The following SULF2 variants were observed in gnomAD, a reference collection of about 807,000 sequenced individuals.
SULF2 encodes sulfatase 2, also known as extracellular sulfatase Sulf-2.
In SULF2, 52 loss-of-function variants were observed where a neutral mutation model predicts 107.7. The ratio of observed to expected loss-of-function variants is 0.48; its 90% CI spans 0.39 to 0.61. The LOEUF (loss-of-function observed/expected upper bound fraction) is 0.61. Ranked by LOEUF, SULF2 falls within the 20% of genes least tolerant of loss-of-function variation. The pLI, the probability that SULF2 is intolerant of heterozygous loss-of-function variation, is 0.00. For missense variants in SULF2, 993 were observed against 1,177.3 expected (o/e 0.84, Z 2.29); for synonymous variants, 460 against 464.3 (o/e 0.99, Z 0.12).
chr20:47,721,477 TC>T (rs1174273569), intron 3 of SULF2, among the ~76,000 whole-genome samples: 2 of 152,048 alleles, frequency 1.3e-5, no homozygotes, highest in Non-Finnish European at 2.9e-5. Context: ...CAAGAGATTC[TC>T]CTACCTCAAC....
intron 1 of SULF2, among the ~76,000 whole-genome samples, chr20:47,768,345 T>G (rs2090563931): frequency 6.6e-6 from 1 of 152,266 alleles, no homozygotes; most frequent in African/African-American, 2.4e-5. Context: ...AATTCCTCTT[T>G]AACTAGTTTC....
chr20:47,750,777 C>T (rs559275887), intron 2 of SULF2, among the ~76,000 whole-genome samples: 9 of 152,346 alleles, frequency 5.9e-5, no homozygotes, highest in African/African-American at 1.4e-4. Flanking sequence ...CTCTTGTGCA[C>T]GCTGCTCTGG....
At chr20:47,716,886 T>C (rs570999552) in intron 3 of SULF2, among the ~76,000 whole-genome samples, 4 of 152,224 alleles carry the variant, frequency 2.6e-5, no homozygotes, top group Admixed American at 6.5e-5. Context: ...GGTGTGTGCC[T>C]GTATTCCCAG....
intron 2 of SULF2, among the ~76,000 whole-genome samples, chr20:47,751,229 ATCTC>A (rs1568901079): frequency 6.6e-6 from 1 of 152,224 alleles, no homozygotes; most frequent in African/African-American, 2.4e-5. Context: ...TGTCACGAGC[ATCTC>A]TCTAACTGGA....
At chr20:47,740,643 A>AAAC (rs34265411) in intron 2 of SULF2, among the ~76,000 whole-genome samples, 27,962 of 151,882 alleles carry the variant, frequency 0.18, 5,709 homozygotes, top group African/African-American at 0.51. Context: ...AATCCTCTTA[A>AAAC]AACAACAACA....
chr20:47,736,602 TC>T, intron 3 of SULF2, 100 bp downstream of exon 3: 1 of 1,485,458 alleles, frequency 6.7e-7, no homozygotes, highest in South Asian at 1.3e-5. Flanking sequence ...CTAGGGGCTA[TC>T]CAGAATCAAC....
At position 47,663,457 on chromosome 20, in the gene SULF2, C is replaced by T. The variant is rs1937789053; in HGVS notation, c.2223G>A (p.Trp741Ter). 1 of 1,608,236 alleles carries T rather than the reference C, an allele frequency of 6.2e-7. No homozygotes were observed. The highest frequency in any genetic ancestry group is 1.3e-5 in the African/African-American group (1 of 74,930). The change falls in exon 16 of 21, where the codon TGG becomes TGA. Residue 741 changes from tryptophan to a stop codon, truncating the protein, a stop_gained. Coordinates refer to ENST00000688720, the MANE Select transcript of SULF2 (RefSeq NM_001387048.1). LOFTEE classifies it high-confidence loss of function. ...CCCTGCCCTGGGCTTGCTCACGTGT[C>T]CAGAAAGGCGCCGTCTGCCAGTGCT... ...DNQHWQTAPF[W>*]TLGPFCACTS...
chr20:47,711,161 C>T (rs1174400123), intron 3 of SULF2, among the ~76,000 whole-genome samples: 1 of 152,226 alleles, frequency 6.6e-6, no homozygotes, highest in African/African-American at 2.4e-5. Context: ...GCAGACATGT[C>T]CCCGCCATGC....
In SULF2 at chr20:47,736,800, G is replaced by C. The variant is rs2089742809; in HGVS notation, c.318C>G (p.Thr106=). 1 of 1,614,096 alleles carries C rather than the reference G, an allele frequency of 6.2e-7. No individual in the cohort carries two copies. Among genetic ancestry groups the C allele is most frequent in the Non-Finnish European group, 8.5e-7 (1 of 1,180,020 alleles). ...LTGKYVHNHN[T]YTNNENCSSP... ...AGGAGCAGTTCTCATTGTTGGTGTA[G>C]GTGTTGTGGTTGTGGACGTACTTGC... is the stretch of plus-strand genomic sequence containing the variant. Residue 106 remains threonine, a synonymous_variant, in exon 3 of 21, where the codon ACC becomes ACG. Transcript: ENST00000688720.
chr20:47,772,348 C>A (rs1045888997), intron 1 of SULF2, among the ~76,000 whole-genome samples: 17 of 152,290 alleles, frequency 1.1e-4, no homozygotes, highest in Non-Finnish European at 2.2e-4. Context: ...TTGTGACAAT[C>A]AAAAATATCT....
chr20:47,763,188 C>A (rs1905205387), intron 1 of SULF2, among the ~76,000 whole-genome samples: 1 of 152,224 alleles, frequency 6.6e-6, no homozygotes, highest in South Asian at 2.1e-4. Flanking sequence ...TCTCTGGCTC[C>A]TCCTCTCCAT....
intron 1 of SULF2, among the ~76,000 whole-genome samples, chr20:47,780,449 C>A (rs920103913): frequency 6.6e-6 from 1 of 152,332 alleles, no homozygotes; most frequent in Admixed American, 6.5e-5. Context: ...AGGCGGACTC[C>A]TTCCTAAAAT....
chr20:47,658,079 G>T lies in SULF2; in HGVS notation c.*283C>A, dbSNP rs1388900340. 2.2e-6 allele frequency: 1 copy of T among 464,108 alleles called. No homozygotes were observed. The highest frequency in any genetic ancestry group is 3.8e-6 in the Non-Finnish European group (1 of 259,826). The allele number at this position is 464,108 out of a possible 1,614,324, so 28.7% of individuals were successfully genotyped here. Reference sequence around the variant, plus strand: ...CTCCGTTTTCCTTTGTGAGCTTCTGGGGGAGGGTTAGTGGTGACTTTTTGA... The same window carrying T: ...CTCCGTTTTCCTTTGTGAGCTTCTGTGGGAGGGTTAGTGGTGACTTTTTGA... On this transcript the variant is annotated 3_prime_UTR_variant, in exon 21 of 21. Coordinates refer to ENST00000688720, the MANE Select transcript of SULF2 (RefSeq NM_001387048.1).
At position 47,679,641 on chromosome 20, in the gene SULF2, G is replaced by A. The variant is rs147821743; in HGVS notation, c.1065-837C>T. On this transcript the variant is annotated intron_variant, in intron 7 of 20. Coordinates refer to ENST00000688720, the MANE Select transcript of SULF2 (RefSeq NM_001387048.1). ...GCACTTGACCTGCCCCATGAGCAGGGACGCAGATGCTCCCCAGTCAAGCCT... is the reference window on the plus strand; with the variant it reads ...GCACTTGACCTGCCCCATGAGCAGGAACGCAGATGCTCCCCAGTCAAGCCT... Among the ~76,000 whole-genome samples the A allele has an allele frequency of 1.3e-3, 197 of 152,322 alleles. 1 individual carries two copies. The highest frequency in any genetic ancestry group is 0.01 in the Middle Eastern group (3 of 294).
In SULF2 at chr20:47,672,219, G is replaced by A. The variant is rs374099915; in HGVS notation, c.1555C>T (p.Arg519Trp). Residue 519 changes from arginine to tryptophan, a missense_variant, in exon 11 of 21, where the codon CGG (arginine) becomes TGG (tryptophan). Physicochemically the swap from Arg to Trp is moderately radical, Grantham distance 101. This residue lies in a region of SULF2 where 497 missense variants were observed against 544.1 expected (regional missense o/e 0.91). Transcript: ENST00000688720. ...GDYKLSLAGR[R>W]KKLFKKKYKA... ...TTACTCTTCTTGAAGAGTTTTTTCC[G>A]GCGTCCGGCCAGGCTGAGCTTGTAG... is the stretch of plus-strand genomic sequence containing the variant. 1.0e-4 allele frequency: 166 copies of A among 1,608,464 alleles called. No individual in the cohort carries two copies. Among genetic ancestry groups the A allele is most frequent in the Non-Finnish European group, 1.3e-4 (158 of 1,176,288 alleles).
intron 1 of SULF2, among the ~76,000 whole-genome samples, chr20:47,758,805 G>A (rs546424414): frequency 8.5e-5 from 13 of 152,334 alleles, no homozygotes; most frequent in East Asian, 3.9e-4. Flanking sequence ...CAGATGTGCC[G>A]GGAGGAAGCC....
At chr20:47,776,271 A>C (rs2090723096) in intron 1 of SULF2, among the ~76,000 whole-genome samples, 1 of 152,234 alleles carries the variant, frequency 6.6e-6, no homozygotes, top group South Asian at 2.1e-4. Flanking sequence ...GCTTTTTAGA[A>C]GGTTCAAACA....
intron 5 of SULF2, among the ~76,000 whole-genome samples, chr20:47,688,025 G>C (rs1309329346): frequency 1.3e-5 from 2 of 150,796 alleles, no homozygotes; most frequent in Non-Finnish European, 2.9e-5. Flanking sequence ...CTGTGTGTGT[G>C]GGGGGGTGCA....
chr20:47,703,794 C>T (rs540818921), intron 3 of SULF2, among the ~76,000 whole-genome samples: 2 of 152,260 alleles, frequency 1.3e-5, no homozygotes, highest in South Asian at 4.1e-4. Context: ...GAAATTGTTG[C>T]ATATTTACAG....
Sources: allele counts gnomAD v4.1 joint callset (sites outside exome capture counted in the v4.1 genomes callset), GRCh38; gene constraint gnomAD v4.1.1; regional missense constraint gnomAD v4.1.1; transcripts MANE v1.5; gene names NCBI Gene and HGNC (gene_info 2026-07-23, HGNC 2026-07-21).